SH3RF2: variants seen among roughly 807,000 people sequenced by gnomAD.
SH3RF2 encodes E3 ubiquitin-protein ligase SH3RF2.
A neutral mutation model predicts 59.0 loss-of-function variants in SH3RF2; 43 were observed. The observed-to-expected ratio is 0.73, with a 90% CI of 0.57 to 0.94. SH3RF2 has a LOEUF of 0.94. SH3RF2 is among the 40% of genes least tolerant of loss of function. SH3RF2 has a pLI of 0.00. For synonymous variants in SH3RF2, 391 were observed against 391.5 expected (o/e 1.00, Z 0.01); for missense variants, 930 against 940.1 (o/e 0.99, Z 0.14).
rs975700389 is a variant in SH3RF2 at position 146,031,568 on chromosome 5, G to C, written c.1060-16204G>C. 3.3e-5 allele frequency among the ~76,000 whole-genome samples: 5 copies of C among 152,178 alleles called. No homozygotes were observed. The South Asian group carries it at 1.0e-3, about 32-fold the overall frequency. On this transcript the variant is annotated intron_variant, in intron 5 of 9. Transcript: ENST00000359120. ...GACGGAGGGAGGGATCAACAGGGTG[G>C]GTGAGTGAGAAGTGAATGCAGGCCG...
At chr5:146,044,357 G>T (rs1236984985) in intron 5 of SH3RF2, among the ~76,000 whole-genome samples, 1 of 152,056 alleles carries the variant, frequency 6.6e-6, no homozygotes, top group African/African-American at 2.4e-5. Context: ...CACCATGTTG[G>T]TCAGGCTAGT....
Position 145,971,618 on chromosome 5 carries a change from A to T in SH3RF2, c.379-28440A>T, listed in dbSNP as rs573949723. On this transcript the variant is annotated intron_variant, in intron 2 of 9. Coordinates refer to ENST00000359120, the MANE Select transcript of SH3RF2 (RefSeq NM_152550.4). ...ATGGGAAAGGCCCAGCAGAAATATAAAGCATGCAGGCCAAGGTAGGAATGA... is the reference window on the plus strand; with the variant it reads ...ATGGGAAAGGCCCAGCAGAAATATATAGCATGCAGGCCAAGGTAGGAATGA... Among the ~76,000 whole-genome samples the T allele has an allele frequency of 5.7e-3, 867 of 152,286 alleles. 13 individuals carry two copies. Among genetic ancestry groups the T allele is most frequent in the African/African-American group, 0.02 (816 of 41,556 alleles).
intron 9 of SH3RF2, among the ~76,000 whole-genome samples, chr5:146,060,626 TAGAA>T (rs1762853387): frequency 6.6e-6 from 1 of 152,000 alleles, no homozygotes; most frequent in South Asian, 2.1e-4. Flanking sequence ...AAAATGGAGG[TAGAA>T]AGAGTAATGG....
intron 5 of SH3RF2, among the ~76,000 whole-genome samples, chr5:146,022,102 A>G (rs1235505929): frequency 1.3e-5 from 2 of 152,272 alleles, no homozygotes; most frequent in African/African-American, 4.8e-5. Context: ...AAAGAATAGT[A>G]TAATGAACCC....
chr5:146,000,120 T>C lies in SH3RF2; in HGVS notation c.441T>C (p.Asn147=), dbSNP rs1760341167. ...AGAATCCCGGTGACCTAAGGTTTAA[T>C]AAGGGAGATATCATCCTTCTCCGGA... is the stretch of plus-strand genomic sequence containing the variant. ...RGQNPGDLRF[N]KGDIILLRRQ... Residue 147 remains asparagine (N), a synonymous_variant, in exon 3 of 10, where the codon AAT becomes AAC. Coordinates refer to ENST00000359120, the MANE Select transcript of SH3RF2 (RefSeq NM_152550.4). 13 of 1,613,852 alleles carry C rather than the reference T, an allele frequency of 8.1e-6. No homozygotes were observed. Among genetic ancestry groups the C allele is most frequent in the Non-Finnish European group, 1.1e-5 (13 of 1,179,874 alleles).
chr5:146,036,896 G>A (rs901259062), intron 5 of SH3RF2, among the ~76,000 whole-genome samples: 19 of 152,192 alleles, frequency 1.2e-4, no homozygotes, highest in African/African-American at 4.3e-4. Flanking sequence ...CCTAGCACCG[G>A]GGAAAAGGAA....
intron 5 of SH3RF2, chr5:146,043,886 T>C (rs1466535369): frequency 6.6e-6 from 1 of 152,222 alleles, no homozygotes. Flanking sequence ...TTCTAGTTTT[T>C]TGTTAAAATG....
At chr5:146,044,392 G>T (rs555759040) in intron 5 of SH3RF2, among the ~76,000 whole-genome samples, 2 of 151,944 alleles carry the variant, frequency 1.3e-5, no homozygotes, top group South Asian at 2.1e-4. Context: ...CTCATGATCC[G>T]CCCACCTCGG....
chr5:145,960,553 C>T (rs887797217), intron 2 of SH3RF2, among the ~76,000 whole-genome samples: 1 of 152,148 alleles, frequency 6.6e-6, no homozygotes, highest in Non-Finnish European at 1.5e-5. Context: ...CTAATACTGA[C>T]AAAACTAAGA....
chr5:145,952,440 G>A (rs1000309921), intron 2 of SH3RF2, among the ~76,000 whole-genome samples: 10 of 152,144 alleles, frequency 6.6e-5, no homozygotes, highest in Middle Eastern at 3.4e-3. Flanking sequence ...AAGTTCTGCC[G>A]GGCACATCTC....
At chr5:146,028,801 C>T (rs1434952248) in intron 5 of SH3RF2, among the ~76,000 whole-genome samples, 3 of 152,184 alleles carry the variant, frequency 2.0e-5, no homozygotes, top group African/African-American at 7.2e-5. Flanking sequence ...CCACTCTTCT[C>T]AAACACATGG....
At chr5:146,066,448 T>A (rs1406359021), downstream of SH3RF2, among the ~76,000 whole-genome samples, 1 of 152,198 alleles carries the variant, frequency 6.6e-6, no homozygotes, top group East Asian at 1.9e-4. Context: ...CAAAGTGACT[T>A]AAACAGTGCT....
At chr5:145,993,928 C>G (rs1760050011) in intron 2 of SH3RF2, among the ~76,000 whole-genome samples, 1 of 152,222 alleles carries the variant, frequency 6.6e-6, no homozygotes, top group Admixed American at 6.5e-5. Flanking sequence ...TCTTTTCTAT[C>G]ACATTGTCAG....
chr5:146,007,605 G>T (rs891506313), intron 4 of SH3RF2, among the ~76,000 whole-genome samples: 1 of 152,122 alleles, frequency 6.6e-6, no homozygotes, highest in Admixed American at 6.5e-5. Context: ...TCTGGGCTGG[G>T]GGGGAAGGCA....
rs532834477 is a variant in SH3RF2 at position 146,056,129 on chromosome 5, A to G, written c.1471A>G (p.Ile491Val). 9 of 1,614,204 alleles carry G rather than the reference A, an allele frequency of 5.6e-6. No individual in the cohort carries two copies. The highest frequency in any genetic ancestry group is 2.2e-5 in the East Asian group (1 of 44,876). Residue 491 changes from isoleucine (I) to valine (V), a missense_variant, in exon 8 of 10, where the codon ATA (isoleucine) becomes GTA (valine). Transcript: ENST00000359120. ...PFKSVFVPTA[I>V]VNPVRSTAGP... ...CAAATCCGTCTTTGTGCCCACTGCC[A>G]TAGTCAACCCCGTGAGAAGCACAGC... is the stretch of plus-strand genomic sequence containing the variant.
chr5:145,963,767 C>T (rs1343823569), intron 2 of SH3RF2, among the ~76,000 whole-genome samples: 2 of 151,992 alleles, frequency 1.3e-5, no homozygotes, highest in Non-Finnish European at 2.9e-5. Context: ...CCCTCAGCCC[C>T]AGCTCTTTGA....
Position 146,049,144 on chromosome 5 carries a change from C to T in SH3RF2, c.1221C>T (p.Val407=), listed in dbSNP as rs1336194579. Reference sequence around the variant, plus strand: ...TGGACCTGCAAAAGGGAGAAGGCGTCAGGGTCCTGGGGAAGTGCCAGGACG... The same window carrying T: ...TGGACCTGCAAAAGGGAGAAGGCGTTAGGGTCCTGGGGAAGTGCCAGGACG... ...DELDLQKGEG[V]RVLGKCQDGW... The change falls in exon 7 of 10, where the codon GTC becomes GTT. Residue 407 remains valine, a synonymous_variant. Transcript: ENST00000359120. 1.2e-6 allele frequency: 2 copies of T among 1,614,056 alleles called. No individual in the cohort carries two copies. The highest frequency in any genetic ancestry group is 2.2e-5 in the South Asian group (2 of 91,090).
downstream of SH3RF2, among the ~76,000 whole-genome samples, chr5:146,067,377 C>T (rs934702491): frequency 7.9e-5 from 12 of 152,208 alleles, no homozygotes; most frequent in Non-Finnish European, 1.5e-4. Flanking sequence ...GCTTCACTCA[C>T]CCACGTGACC....
At position 145,998,667 on chromosome 5, in the gene SH3RF2, C is replaced by T. The variant is rs972584940; in HGVS notation, c.379-1391C>T. ...CATGGTGGCTCACGCCTGTAATGCCCTTTGGGAGGCCAAGGTGGGTGGATC... is the reference window on the plus strand; with the variant it reads ...CATGGTGGCTCACGCCTGTAATGCCTTTTGGGAGGCCAAGGTGGGTGGATC... On this transcript the variant is annotated intron_variant, in intron 2 of 9. Coordinates refer to ENST00000359120, the MANE Select transcript of SH3RF2 (RefSeq NM_152550.4). 6.6e-5 allele frequency among the ~76,000 whole-genome samples: 10 copies of T among 152,254 alleles called. No individual in the cohort carries two copies. In the East Asian group the frequency reaches 1.9e-3, roughly 29 times the overall value.
Sources: allele counts gnomAD v4.1 joint callset (sites outside exome capture counted in the v4.1 genomes callset), GRCh38; gene constraint gnomAD v4.1.1; transcripts MANE v1.5; gene names NCBI Gene and HGNC (gene_info 2026-07-23, HGNC 2026-07-21).